STK33: variants seen among roughly 807,000 people sequenced by gnomAD.
The protein encoded by STK33 is serine/threonine kinase 33.
STK33 carries 52 observed loss-of-function variants against 58.0 expected under a neutral mutation model. The ratio of observed to expected loss-of-function variants is 0.90; its 90% confidence interval spans 0.72 to 1.13. The LOEUF (loss-of-function observed/expected upper bound fraction) is 1.13, where lower values mean the gene tolerates loss of function less well. STK33 is among the 50% of genes most tolerant of loss of function. The pLI is 0.00. For synonymous variants in STK33, 215 were observed against 200.1 expected (o/e 1.07, Z -0.63); for missense variants, 630 against 604.2 (o/e 1.04, Z -0.45).
At chr11:8,555,601 C>T (rs1027522845) in intron 1 of STK33, among the ~76,000 whole-genome samples, 22 of 152,028 alleles carry the variant, frequency 1.4e-4, no homozygotes, top group Non-Finnish European at 2.5e-4. Context: ...GGAGGCAGAG[C>T]TTGTGGGGAG....
intron 1 of STK33, among the ~76,000 whole-genome samples, chr11:8,580,125 A>G (rs960485306): frequency 6.6e-6 from 1 of 152,214 alleles, no homozygotes; most frequent in African/African-American, 2.4e-5. Flanking sequence ...GTATATACAC[A>G]AAAGAAAGGA....
chr11:8,538,804 C>G (rs1955264010), intron 1 of STK33, among the ~76,000 whole-genome samples: 2 of 152,108 alleles, frequency 1.3e-5, no homozygotes, highest in Admixed American at 1.3e-4. Flanking sequence ...ATGTCAGCTA[C>G]TTTTTTAAAA....
chr11:8,481,226 A>T (rs182103295), intron 1 of STK33, among the ~76,000 whole-genome samples: 7 of 152,290 alleles, frequency 4.6e-5, no homozygotes. Flanking sequence ...TTATAGCCAG[A>T]CCTCTGCAAA....
intron 15 of STK33, among the ~76,000 whole-genome samples, chr11:8,402,363 G>A: frequency 6.6e-6 from 1 of 151,990 alleles, no homozygotes; most frequent in Admixed American, 6.6e-5. Flanking sequence ...ACTATCACAA[G>A]GACAAAAAAC....
At chr11:8,409,497 C>T (rs1304722096) in intron 15 of STK33, among the ~76,000 whole-genome samples, 1 of 152,176 alleles carries the variant, frequency 6.6e-6, no homozygotes, top group African/African-American at 2.4e-5. Flanking sequence ...GGGAGAACTG[C>T]AAAGTCACAT....
the STK33 span, among the ~76,000 whole-genome samples, chr11:8,362,116 G>C: frequency 1.3e-5 from 2 of 152,164 alleles, no homozygotes; most frequent in African/African-American, 4.8e-5. Context: ...ACTGTTCTCT[G>C]GGCAGCAGAG....
intron 1 of STK33, among the ~76,000 whole-genome samples, chr11:8,528,696 T>C (rs971556291): frequency 6.6e-6 from 1 of 152,250 alleles, no homozygotes; most frequent in Admixed American, 6.5e-5. Flanking sequence ...AAAAGACCTC[T>C]TGGCCTTCTG....
At chr11:8,536,063 TAC>T (rs1414297260) in intron 1 of STK33, among the ~76,000 whole-genome samples, 1 of 151,934 alleles carries the variant, frequency 6.6e-6, no homozygotes, top group Non-Finnish European at 1.5e-5. Flanking sequence ...CACATGGAGG[TAC>T]AGAGTGAAAG....
intron 11 of STK33, among the ~76,000 whole-genome samples, chr11:8,447,865 C>T (rs1311740548): frequency 3.3e-5 from 5 of 152,306 alleles, no homozygotes; most frequent in African/African-American, 1.2e-4. Context: ...TTGCAGATGA[C>T]ATGATTGTAT....
chr11:8,586,627 C>A (rs966126242), intron 1 of STK33, among the ~76,000 whole-genome samples: 8 of 151,996 alleles, frequency 5.3e-5, no homozygotes, highest in African/African-American at 1.9e-4. Context: ...AGTTTCAGAC[C>A]AGCCTGGCCA....
chr11:8,418,862 C>T (rs531805160), intron 14 of STK33, among the ~76,000 whole-genome samples: 39 of 152,082 alleles, frequency 2.6e-4, no homozygotes, highest in African/African-American at 8.9e-4. Context: ...GAGCTTTTTT[C>T]GTATGCTTGT....
chr11:8,456,652 G>A (rs1479249966), intron 9 of STK33, among the ~76,000 whole-genome samples: 7 of 151,716 alleles, frequency 4.6e-5, no homozygotes, highest in African/African-American at 9.7e-5. Context: ...AACTAACCTC[G>A]AAGGAAAAAA....
At chr11:8,496,406 G>C (rs2138928397) in intron 1 of STK33, among the ~76,000 whole-genome samples, 1 of 152,256 alleles carries the variant, frequency 6.6e-6, no homozygotes, top group East Asian at 1.9e-4. Context: ...CTTGAATTTA[G>C]TTTATTCTCC....
At chr11:8,388,818 G>C (rs749171663), downstream of STK33, among the ~76,000 whole-genome samples, 33 of 152,196 alleles carry the variant, frequency 2.2e-4, 1 homozygote, top group Non-Finnish European at 2.1e-4. Flanking sequence ...TTTCAGGTTC[G>C]GTATCGGGCA....
chr11:8,453,813 C>G (rs1946555127), intron 10 of STK33, among the ~76,000 whole-genome samples: 1 of 152,222 alleles, frequency 6.6e-6, no homozygotes, highest in Admixed American at 6.5e-5. Flanking sequence ...TTTTTCTAAA[C>G]AGATGAATCA....
chr11:8,340,409 G>T, the STK33 span, among the ~76,000 whole-genome samples: 7 of 152,286 alleles, frequency 4.6e-5, no homozygotes, highest in Admixed American at 2.6e-4. Context: ...GCCATGAAAT[G>T]ATATTCAATA....
At chr11:8,556,033 T>C (rs938401211) in intron 1 of STK33, among the ~76,000 whole-genome samples, 1 of 152,158 alleles carries the variant, frequency 6.6e-6, no homozygotes, top group African/African-American at 2.4e-5. Context: ...GAACAGATTG[T>C]AAGGCAAGAG....
At chr11:8,479,890 T>C (rs1475356218) in intron 2 of STK33, among the ~76,000 whole-genome samples, 6 of 152,102 alleles carry the variant, frequency 3.9e-5, no homozygotes, top group Non-Finnish European at 8.8e-5. Flanking sequence ...CCAAGGACCT[T>C]TCTCCAGCAC....
intron 15 of STK33, among the ~76,000 whole-genome samples, chr11:8,402,400 G>A: frequency 6.6e-6 from 1 of 152,060 alleles, no homozygotes; most frequent in Non-Finnish European, 1.5e-5. Flanking sequence ...TCACTCATAG[G>A]TGGGAATTGA....
Sources: gnomAD v4.1 joint callset for allele counts (sites outside exome capture counted in the v4.1 genomes callset) on GRCh38, gnomAD v4.1.1 for gene constraint, MANE v1.5 for transcripts, NCBI Gene and HGNC (gene_info 2026-07-23, HGNC 2026-07-21) for gene names.